HMGCLL1: variants seen among roughly 807,000 people sequenced by gnomAD.
HMGCLL1 encodes 3-hydroxymethyl-3-methylglutaryl-CoA lyase, cytoplasmic.
Under a neutral mutation model 39.1 loss-of-function variants are expected in HMGCLL1, and 36 were observed. That is an observed-to-expected ratio of 0.92 (90% CI 0.71 to 1.22). The LOEUF (loss-of-function observed/expected upper bound fraction) is 1.22, where lower values mean the gene tolerates loss of function less well. HMGCLL1 is among the 50% of genes most tolerant of loss of function. The pLI is 0.00. For missense variants in HMGCLL1, 451 were observed against 416.5 expected, an observed-to-expected ratio of 1.08 and a Z score of -0.72; for synonymous variants, 149 against 144.0, an observed-to-expected ratio of 1.03 and a Z score of -0.25.
chr6:55,537,144 A>G (rs1161745169), intron 3 of HMGCLL1, among the ~76,000 whole-genome samples: 1 of 152,096 alleles, frequency 6.6e-6, no homozygotes, highest in Non-Finnish European at 1.5e-5. Context: ...CAAAAGAGAA[A>G]TTTTAAAATG....
chr6:55,659,936 CAGA>C, the HMGCLL1 span, among the ~76,000 whole-genome samples: 2,046 of 151,898 alleles, frequency 0.013, 51 homozygotes, highest in African/African-American at 0.047. Flanking sequence ...CAGAAAACTA[CAGA>C]AGTTTGGGAT....
At chr6:55,444,176 C>T (rs1215449180) in intron 7 of HMGCLL1, among the ~76,000 whole-genome samples, 3 of 151,918 alleles carry the variant, frequency 2.0e-5, no homozygotes, top group Admixed American at 1.3e-4. Flanking sequence ...AACAGTCAAA[C>T]CTAAATGAGT....
At chr6:55,548,573 G>A (rs1027480165) in intron 1 of HMGCLL1, among the ~76,000 whole-genome samples, 1 of 151,744 alleles carries the variant, frequency 6.6e-6, no homozygotes, top group Non-Finnish European at 1.5e-5. Flanking sequence ...TTTAAAATGA[G>A]GTTTTTAGCA....
At chr6:55,603,732 C>T in the HMGCLL1 span, among the ~76,000 whole-genome samples, 25 of 152,146 alleles carry the variant, frequency 1.6e-4, no homozygotes, top group South Asian at 3.9e-3. Context: ...AGACAGTGAG[C>T]GTACTTAACT....
At chr6:55,635,027 G>A in the HMGCLL1 span, among the ~76,000 whole-genome samples, 19 of 152,160 alleles carry the variant, frequency 1.2e-4, no homozygotes, top group African/African-American at 4.6e-4. Context: ...ACAGTTGGAT[G>A]TGCCTATAAA....
chr6:55,640,502 A>C, the HMGCLL1 span, among the ~76,000 whole-genome samples: 1 of 151,780 alleles, frequency 6.6e-6, no homozygotes, highest in African/African-American at 2.4e-5. Flanking sequence ...TTAATTAATT[A>C]GTTAATTAAT....
At chr6:55,485,215 C>T (rs189835285) in intron 7 of HMGCLL1, among the ~76,000 whole-genome samples, 28 of 152,212 alleles carry the variant, frequency 1.8e-4, no homozygotes, top group African/African-American at 6.5e-4. Flanking sequence ...TCCAAATTTC[C>T]CATCTTCTGT....
chr6:55,574,954 T>G (rs1283275920), intron 1 of HMGCLL1, among the ~76,000 whole-genome samples: 1 of 152,034 alleles, frequency 6.6e-6, no homozygotes, highest in Non-Finnish European at 1.5e-5. Flanking sequence ...AGAAATATAA[T>G]AGGTTTGAAA....
chr6:55,495,419 C>G lies in HMGCLL1; in HGVS notation c.795G>C (p.Gln265His). 6.2e-7 allele frequency: 1 copy of G among 1,612,462 alleles called. No homozygotes were observed. The highest frequency in any genetic ancestry group is 8.5e-7 in the Non-Finnish European group (1 of 1,179,154). The change falls in exon 7 of 9, where the codon CAG becomes CAC. Residue 265 changes from glutamine to histidine, a missense_variant and splice_region_variant. Transcript: ENST00000274901. ...ATAACACACAAAGAGTACAAAATAC[C>G]TGAAGGGCCGTAAGGATATTTGCTA... Reference protein sequence around the residue: ...QALANILTALQMGINVVDSAV... With the variant: ...QALANILTALHMGINVVDSAV...
At chr6:55,648,363 A>T in the HMGCLL1 span, among the ~76,000 whole-genome samples, 1 of 145,768 alleles carries the variant, frequency 6.9e-6, no homozygotes, top group Admixed American at 6.9e-5. Flanking sequence ...AATAACTAAA[A>T]TCAGAGCAGA....
chr6:55,585,218 T>C, the HMGCLL1 span, among the ~76,000 whole-genome samples: 2 of 152,196 alleles, frequency 1.3e-5, no homozygotes, highest in African/African-American at 4.8e-5. Flanking sequence ...CAGCAAATAC[T>C]GAAATCAGAA....
chr6:55,554,255 C>G (rs1285550907), intron 1 of HMGCLL1, among the ~76,000 whole-genome samples: 1 of 152,094 alleles, frequency 6.6e-6, no homozygotes, highest in African/African-American at 2.4e-5. Context: ...TCAAAAAAGT[C>G]CTATCTTCTT....
the HMGCLL1 span, among the ~76,000 whole-genome samples, chr6:55,622,474 T>A: frequency 6.6e-6 from 1 of 152,096 alleles, no homozygotes; most frequent in Non-Finnish European, 1.5e-5. Flanking sequence ...TGGTTTTTAT[T>A]ATGAAGTATG....
the HMGCLL1 span, among the ~76,000 whole-genome samples, chr6:55,651,843 G>T: frequency 4.6e-5 from 7 of 152,078 alleles, no homozygotes; most frequent in African/African-American, 1.7e-4. Flanking sequence ...GCTTAGCCTA[G>T]CAGAGCTCTA....
rs574748725 is a variant in HMGCLL1 at position 55,435,496 on chromosome 6, T to C, written c.*166A>G. 4.3e-4 allele frequency: 173 copies of C among 397,728 alleles called. No homozygotes were observed. Among genetic ancestry groups the C allele is most frequent in the Non-Finnish European group, 4.7e-4 (105 of 222,646 alleles). 24.6% of individuals were successfully genotyped at this position (397,728 alleles called of 1,614,324 possible). ...AATTTACCTGATGACTGATATTGCA[T>C]TTTGTTGACTTAATCTATCCAGTTA... is the stretch of plus-strand genomic sequence containing the variant. On this transcript the variant is annotated 3_prime_UTR_variant, in exon 9 of 9. Coordinates refer to ENST00000274901, the MANE Select transcript of HMGCLL1 (RefSeq NM_001042406.2).
chr6:55,564,840 CA>C (rs36040810), intron 1 of HMGCLL1, among the ~76,000 whole-genome samples: 59,120 of 134,660 alleles, frequency 0.44, 11,584 homozygotes, highest in East Asian at 0.57. Context: ...TGAAAGTTTT[CA>C]AAAAAAAAAA....
At chr6:55,605,862 C>T in the HMGCLL1 span, among the ~76,000 whole-genome samples, 3 of 152,110 alleles carry the variant, frequency 2.0e-5, no homozygotes, top group East Asian at 1.9e-4. Flanking sequence ...CTAACTGTTA[C>T]GTAGACCTTA....
chr6:55,580,520 A>C (rs1325586411), upstream of HMGCLL1, among the ~76,000 whole-genome samples: 1 of 135,790 alleles, frequency 7.4e-6, no homozygotes, highest in East Asian at 2.2e-4. Context: ...GGTTCACGCC[A>C]TTCTCCTGCC....
At chr6:55,478,311 T>C (rs1765565029) in intron 7 of HMGCLL1, among the ~76,000 whole-genome samples, 1 of 151,360 alleles carries the variant, frequency 6.6e-6, no homozygotes, top group Non-Finnish European at 1.5e-5. Context: ...AATTCAAAGT[T>C]CTACCGAAAA....
Sources: allele counts gnomAD v4.1 joint callset (sites outside exome capture counted in the v4.1 genomes callset), GRCh38; gene constraint gnomAD v4.1.1; transcripts MANE v1.5; gene names NCBI Gene and HGNC (gene_info 2026-07-23, HGNC 2026-07-21).